KCND2: variants seen among roughly 807,000 people sequenced by gnomAD.
KCND2 encodes the protein A-type voltage-gated potassium channel KCND2.
Under a neutral mutation model 54.4 loss-of-function variants are expected in KCND2, and 16 were observed. That is an observed-to-expected ratio of 0.29 (90% confidence interval 0.20 to 0.45). KCND2 has a LOEUF of 0.45. KCND2 is among the 20% of genes least tolerant of loss of function. The pLI is 1.00. For synonymous variants in KCND2, 317 were observed against 310.7 expected (o/e 1.02, Z -0.21); for missense variants, 486 against 824.2 (o/e 0.59, Z 5.02).
At chr7:120,731,177 A>G (rs1213747132) in intron 1 of KCND2, among the ~76,000 whole-genome samples, 2 of 152,230 alleles carry the variant, frequency 1.3e-5, no homozygotes, top group African/African-American at 2.4e-5. Flanking sequence ...AGCTGGCCTT[A>G]TGCTCACGAA....
chr7:120,678,528 A>G (rs1382118467), intron 1 of KCND2, among the ~76,000 whole-genome samples: 2 of 147,686 alleles, frequency 1.4e-5, no homozygotes, highest in Non-Finnish European at 3.0e-5. Context: ...ACATACACAT[A>G]AATATACAAA....
intron 1 of KCND2, among the ~76,000 whole-genome samples, chr7:120,366,274 G>A (rs1341454880): frequency 6.6e-6 from 1 of 151,936 alleles, no homozygotes; most frequent in Admixed American, 6.6e-5. Context: ...CACTTGAGGT[G>A]AGGAGTTCGA....
At chr7:120,318,543 T>C (rs1416636706) in intron 1 of KCND2, among the ~76,000 whole-genome samples, 1 of 152,114 alleles carries the variant, frequency 6.6e-6, no homozygotes, top group Non-Finnish European at 1.5e-5. Context: ...ACATATTTAT[T>C]TGCTTTGATA....
At chr7:120,645,022 C>T (rs762596029) in intron 1 of KCND2, among the ~76,000 whole-genome samples, 2 of 151,974 alleles carry the variant, frequency 1.3e-5, no homozygotes, top group Non-Finnish European at 2.9e-5. Flanking sequence ...CCTTTAATGT[C>T]TCTCTGTGCC....
In KCND2 at chr7:120,358,102, T is replaced by C. The variant is rs1310864950; in HGVS notation, c.1115+82355T>C. The stretch of plus-strand genomic sequence containing the variant: ...ACAAAAGGAGATATAAACTAGAATT[T>C]GATGGATGGGTATGGTGTGAAAAAA... On this transcript the variant is annotated intron_variant, in intron 1 of 5. Transcript: ENST00000331113. Among the ~76,000 whole-genome samples, 6 of 152,068 alleles carry C rather than the reference T, an allele frequency of 3.9e-5. No individual in the cohort carries two copies. In the East Asian group the frequency reaches 1.2e-3, roughly 29 times the overall value.
chr7:120,723,730 T>G (rs1792697077), intron 1 of KCND2, among the ~76,000 whole-genome samples: 1 of 152,074 alleles, frequency 6.6e-6, no homozygotes, highest in East Asian at 1.9e-4. Context: ...CCTTGTCTCT[T>G]AAAAAAATTA....
chr7:120,334,392 A>G (rs1346696969), intron 1 of KCND2, among the ~76,000 whole-genome samples: 1 of 152,206 alleles, frequency 6.6e-6, no homozygotes, highest in Non-Finnish European at 1.5e-5. Flanking sequence ...TTTCAGTCTT[A>G]TAACTTAGAA....
intron 1 of KCND2, among the ~76,000 whole-genome samples, chr7:120,730,587 T>C (rs1792794170): frequency 6.6e-6 from 1 of 152,192 alleles, no homozygotes; most frequent in Non-Finnish European, 1.5e-5. Context: ...TAGGTTATTA[T>C]TTTTGTACTA....
intron 1 of KCND2, among the ~76,000 whole-genome samples, chr7:120,625,059 C>T (rs941498543): frequency 2.0e-5 from 3 of 151,916 alleles, no homozygotes; most frequent in Non-Finnish European, 2.9e-5. Context: ...GATTCATTGC[C>T]GAAGGGAAAC....
chr7:120,630,750 T>G lies in KCND2; in HGVS notation c.1116-102153T>G, dbSNP rs1793224039. Among the ~76,000 whole-genome samples, 4 of 152,312 alleles carry G rather than the reference T, an allele frequency of 2.6e-5. No homozygotes were observed. In the South Asian group the frequency reaches 6.2e-4, roughly 24 times the overall value. ...GAGTCATGCTTTTCACAATTTGGCT[T>G]TCTAAGATAAGTCACATGAGTTTTA... On this transcript the variant is annotated intron_variant, in intron 1 of 5. Transcript: ENST00000331113.
At chr7:120,387,382 G>A (rs1173580103) in intron 1 of KCND2, among the ~76,000 whole-genome samples, 1 of 151,912 alleles carries the variant, frequency 6.6e-6, no homozygotes, top group Non-Finnish European at 1.5e-5. Flanking sequence ...AAAATATGAA[G>A]ATTAAAATTA....
At chr7:120,588,623 A>AC (rs1792631184) in intron 1 of KCND2, among the ~76,000 whole-genome samples, 1 of 151,920 alleles carries the variant, frequency 6.6e-6, no homozygotes, top group Non-Finnish European at 1.5e-5. Context: ...AGCTGCATTT[A>AC]CTCCCACCTC....
At chr7:120,538,597 C>T (rs1791940702) in intron 1 of KCND2, among the ~76,000 whole-genome samples, 1 of 152,174 alleles carries the variant, frequency 6.6e-6, no homozygotes, top group Non-Finnish European at 1.5e-5. Flanking sequence ...CAGCACTGGG[C>T]ACTGCTGGCA....
At chr7:120,531,630 A>G (rs941464873) in intron 1 of KCND2, among the ~76,000 whole-genome samples, 1 of 151,870 alleles carries the variant, frequency 6.6e-6, no homozygotes, top group Non-Finnish European at 1.5e-5. Flanking sequence ...TTTGAAGCCC[A>G]CTCTCCTCTT....
At chr7:120,523,946 C>A (rs1791735737) in intron 1 of KCND2, among the ~76,000 whole-genome samples, 1 of 151,638 alleles carries the variant, frequency 6.6e-6, no homozygotes, top group Non-Finnish European at 1.5e-5. Context: ...CTAAAAAGGT[C>A]AAAATTAGGC....
intron 1 of KCND2, among the ~76,000 whole-genome samples, chr7:120,474,803 T>A (rs776048182): frequency 1.3e-5 from 2 of 152,188 alleles, no homozygotes; most frequent in Non-Finnish European, 2.9e-5. Flanking sequence ...AAAGCTTATT[T>A]GTTTCTCTAT....
intron 1 of KCND2, among the ~76,000 whole-genome samples, chr7:120,351,684 C>T (rs1390281776): frequency 1.3e-5 from 2 of 152,050 alleles, no homozygotes; most frequent in African/African-American, 4.8e-5. Context: ...TTGACATGTT[C>T]AAAAAATGTC....
rs113125544 is a variant in KCND2, at chr7:120,284,307, A to G, written c.1115+8560A>G. 3.2e-3 allele frequency among the ~76,000 whole-genome samples: 481 copies of G among 152,000 alleles called. 3 individuals carry two copies. The highest frequency in any genetic ancestry group is 0.019 in the East Asian group (98 of 5,150). Reference sequence around the variant, plus strand: ...CACACATGCACACGCACACACACACACGCGCGCACACTCCAACCATTCGCT... The same window carrying G: ...CACACATGCACACGCACACACACACGCGCGCGCACACTCCAACCATTCGCT... On this transcript the variant is annotated intron_variant, in intron 1 of 5. Coordinates refer to ENST00000331113, the MANE Select transcript of KCND2 (RefSeq NM_012281.3).
At chr7:120,554,883 G>A (rs1025222115) in intron 1 of KCND2, among the ~76,000 whole-genome samples, 1 of 152,060 alleles carries the variant, frequency 6.6e-6, no homozygotes, top group South Asian at 2.1e-4. Context: ...CTTCTTTGCA[G>A]TTACCTGAGA....
Sources: gnomAD v4.1 joint callset for allele counts (sites outside exome capture counted in the v4.1 genomes callset) on GRCh38, gnomAD v4.1.1 for gene constraint, MANE v1.5 for transcripts, NCBI Gene and HGNC (gene_info 2026-07-23, HGNC 2026-07-21) for gene names.